Variants in SOX6 observed in about 807,000 individuals in gnomAD.
SOX6 encodes the protein transcription factor SOX-6.
SOX6 carries 11 observed loss-of-function variants against 97.8 expected under a neutral mutation model. The ratio of observed to expected loss-of-function variants is 0.11; its 90% CI spans 0.07 to 0.19. SOX6 has a LOEUF of 0.19. SOX6 is among the 10% of genes least tolerant of loss of function. The pLI, the probability that SOX6 is intolerant of heterozygous loss-of-function variation, is 1.00. For missense variants in SOX6, 810 were observed against 1,039.5 expected (o/e 0.78, Z 3.04); for synonymous variants, 360 against 371.4 (o/e 0.97, Z 0.35).
chr11:16,586,258 G>A lies in SOX6; in HGVS notation n.609+25823C>T, dbSNP rs940908336. ...CTCAGTGGCCTCCCTGTACATTGCT[G>A]AAACAGGAAAAAAAAATAACATAAA... On this transcript the variant is annotated intron_variant and non_coding_transcript_variant, in intron 4 of 5. Transcript: ENST00000524520. 2.1e-5 allele frequency among the ~76,000 whole-genome samples: 3 copies of A among 145,168 alleles called. No individual in the cohort carries two copies. In the Admixed American group the frequency reaches 2.2e-4, roughly 11 times the overall value.
chr11:16,116,581 C>A (rs750047330), intron 6 of SOX6, among the ~76,000 whole-genome samples: 1 of 152,148 alleles, frequency 6.6e-6, no homozygotes, highest in Non-Finnish European at 1.5e-5. Flanking sequence ...GATCCTTAAT[C>A]CAGTTTCCCC....
intron 4 of SOX6, among the ~76,000 whole-genome samples, chr11:16,547,548 GAC>G (rs1391732624): frequency 6.6e-6 from 1 of 152,084 alleles, no homozygotes; most frequent in African/African-American, 2.4e-5. Context: ...GGCACAGAAA[GAC>G]AAATACTGCA....
chr11:16,611,830 G>C (rs1287389641), intron 4 of SOX6, among the ~76,000 whole-genome samples: 2 of 152,208 alleles, frequency 1.3e-5, no homozygotes, highest in Non-Finnish European at 2.9e-5. Flanking sequence ...ATTTCTGTTA[G>C]GAAGATCACA....
At chr11:16,437,809 G>C (rs1014501802) in intron 1 of SOX6, among the ~76,000 whole-genome samples, 3 of 152,162 alleles carry the variant, frequency 2.0e-5, no homozygotes, top group Admixed American at 1.3e-4. Context: ...TGGGAAAATA[G>C]ATATAATAAA....
At chr11:16,391,607 A>T (rs1037586444) in intron 1 of SOX6, among the ~76,000 whole-genome samples, 2 of 152,190 alleles carry the variant, frequency 1.3e-5, no homozygotes, top group African/African-American at 2.4e-5. Flanking sequence ...TGGGTGAAAG[A>T]GGCACTAAGT....
At chr11:16,062,933 G>C (rs1249239952) in intron 9 of SOX6, among the ~76,000 whole-genome samples, 1 of 151,684 alleles carries the variant, frequency 6.6e-6, no homozygotes, top group East Asian at 1.9e-4. Context: ...CTAGCAAGTA[G>C]CTTGCCCAAG....
intron 4 of SOX6, among the ~76,000 whole-genome samples, chr11:16,540,448 A>G (rs966347222): frequency 5.9e-5 from 9 of 152,220 alleles, no homozygotes; most frequent in African/African-American, 2.2e-4. Context: ...CCTATTCAAC[A>G]TAGTGTTGGA....
intron 1 of SOX6, among the ~76,000 whole-genome samples, chr11:16,361,825 A>G (rs1450869588): frequency 6.6e-6 from 1 of 152,248 alleles, no homozygotes; most frequent in East Asian, 1.9e-4. Flanking sequence ...AGGAAAAAAT[A>G]TGTAAGATAT....
intron 3 of SOX6, among the ~76,000 whole-genome samples, chr11:16,251,094 C>A (rs117977471): frequency 0.022 from 3,293 of 152,102 alleles, 45 homozygotes; most frequent in Non-Finnish European, 0.035. Context: ...ATATTTCAAA[C>A]TGAGTTATAA....
intron 1 of SOX6, among the ~76,000 whole-genome samples, chr11:16,460,656 A>AT (rs1859905477): frequency 6.6e-6 from 1 of 152,102 alleles, no homozygotes; most frequent in Non-Finnish European, 1.5e-5. Context: ...ATTTGCTGCA[A>AT]CTATATCTCA....
intron 9 of SOX6, among the ~76,000 whole-genome samples, chr11:16,083,060 A>G (rs1259766697): frequency 1.3e-5 from 2 of 152,158 alleles, no homozygotes; most frequent in Admixed American, 1.3e-4. Flanking sequence ...AACCTGGGGA[A>G]CTTATACCTC....
chr11:16,173,428 T>C (rs1427256190), intron 6 of SOX6, among the ~76,000 whole-genome samples: 1 of 151,900 alleles, frequency 6.6e-6, no homozygotes, highest in Non-Finnish European at 1.5e-5. Context: ...CAATGCAGTA[T>C]CTTTCCTTCT....
At chr11:16,303,823 T>G (rs1855337162) in intron 3 of SOX6, among the ~76,000 whole-genome samples, 1 of 152,238 alleles carries the variant, frequency 6.6e-6, no homozygotes, top group African/African-American at 2.4e-5. Context: ...TTTCAGCATA[T>G]AGATCCTGCA....
chr11:16,669,001 A>G (rs1590045634), intron 3 of SOX6, among the ~76,000 whole-genome samples: 1 of 152,352 alleles, frequency 6.6e-6, no homozygotes, highest in Non-Finnish European at 1.5e-5. Flanking sequence ...CAAAATAAAC[A>G]AAGAAACACT....
At chr11:16,257,019 A>G (rs894804296) in intron 3 of SOX6, among the ~76,000 whole-genome samples, 2 of 151,892 alleles carry the variant, frequency 1.3e-5, no homozygotes, top group African/African-American at 2.4e-5. Context: ...GTAAAAATCT[A>G]TATGAAGAAA....
At chr11:16,223,978 A>G (rs1443785818) in intron 4 of SOX6, among the ~76,000 whole-genome samples, 1 of 152,122 alleles carries the variant, frequency 6.6e-6, no homozygotes, top group Non-Finnish European at 1.5e-5. Context: ...TAATATAATC[A>G]TAATTGTGTA....
chr11:16,540,356 C>T (rs1861385745), intron 4 of SOX6, among the ~76,000 whole-genome samples: 1 of 152,044 alleles, frequency 6.6e-6, no homozygotes, highest in East Asian at 1.9e-4. Context: ...AAACCCACAG[C>T]CAATATCATA....
intron 6 of SOX6, among the ~76,000 whole-genome samples, chr11:16,134,674 C>T (rs1488202891): frequency 6.6e-6 from 1 of 152,088 alleles, no homozygotes; most frequent in African/African-American, 2.4e-5. Flanking sequence ...TTTGTTGTTA[C>T]TATTGTAGTT....
chr11:16,566,664 T>C (rs1847876454), intron 4 of SOX6, among the ~76,000 whole-genome samples: 1 of 152,248 alleles, frequency 6.6e-6, no homozygotes, highest in Admixed American at 6.5e-5. Flanking sequence ...GGCTATAATG[T>C]TTTTTAATGG....
Sources: gnomAD v4.1 joint callset for allele counts (sites outside exome capture counted in the v4.1 genomes callset) on GRCh38, gnomAD v4.1.1 for gene constraint, MANE v1.5 for transcripts, NCBI Gene and HGNC (gene_info 2026-07-23, HGNC 2026-07-21) for gene names.